The following FAM200B variants were observed in gnomAD, a reference collection of about 807,000 sequenced individuals.
FAM200B encodes protein FAM200B.
FAM200B carries 32 observed loss-of-function variants against 33.1 expected under a neutral mutation model. That is an observed-to-expected ratio of 0.97 (90% CI 0.73 to 1.30). The LOEUF is 1.30. Ranked by LOEUF, FAM200B falls within the 50% of genes most tolerant of loss-of-function variation. The pLI is 0.00. For synonymous variants in FAM200B, 240 were observed against 264.8 expected, an observed-to-expected ratio of 0.91 and a Z score of 0.91; for missense variants, 741 against 754.0, an observed-to-expected ratio of 0.98 and a Z score of 0.20.
At chr4:15,653,585 G>A in the FAM200B span, among the ~76,000 whole-genome samples, 6 of 152,120 alleles carry the variant, frequency 3.9e-5, no homozygotes, top group Non-Finnish European at 2.9e-5. Flanking sequence ...ACAGTCTAAA[G>A]TGGAGAGAAA....
chr4:15,662,723 ATTATCT>A, the FAM200B span, among the ~76,000 whole-genome samples: 3 of 152,196 alleles, frequency 2.0e-5, no homozygotes, highest in Admixed American at 6.5e-5. Context: ...CATTCAATCC[ATTATCT>A]TTATGTAATC....
the FAM200B span, chr4:15,638,604 CCTT>C: frequency 6.2e-7 from 1 of 1,613,410 alleles, no homozygotes; most frequent in South Asian, 1.1e-5. Context: ...TCTGCAGTAT[CCTT>C]CTGAGAGCAG....
chr4:15,645,914 G>A, the FAM200B span, among the ~76,000 whole-genome samples: 13,577 of 152,040 alleles, frequency 0.089, 767 homozygotes, highest in Non-Finnish European at 0.12. Context: ...GATGAGGCAG[G>A]CACTGTTCTT....
the FAM200B span, among the ~76,000 whole-genome samples, chr4:15,643,659 G>A: frequency 2.6e-5 from 4 of 152,076 alleles, no homozygotes; most frequent in East Asian, 1.9e-4. Flanking sequence ...CACTAGCCTC[G>A]GCCTCCCAGA....
the FAM200B span, among the ~76,000 whole-genome samples, chr4:15,676,364 G>T: frequency 6.6e-6 from 1 of 151,990 alleles, no homozygotes; most frequent in Admixed American, 6.6e-5. Flanking sequence ...GATTGTATGA[G>T]GATGGAAACA....
At chr4:15,651,559 T>C in the FAM200B span, among the ~76,000 whole-genome samples, 1 of 152,134 alleles carries the variant, frequency 6.6e-6, no homozygotes, top group Admixed American at 6.5e-5. Context: ...AGTCAATAAA[T>C]TGTTACAGGT....
rs771216772 is a variant in FAM200B at position 15,687,209 on chromosome 4, C to T, written c.232C>T (p.Pro78Ser). ...LKYGFIKCEK[P>S]FENDRPQCVI... ...ATATGGCTTTATCAAATGTGAAAAA[C>T]CCTTTGAAAATGACAGACCTCAGTG... Residue 78 changes from proline to serine, a missense_variant, in exon 2 of 2, where the codon CCC becomes TCC. Pro to Ser is a moderately conservative substitution (Grantham distance 74). Coordinates refer to ENST00000422728, the MANE Select transcript of FAM200B (RefSeq NM_001145191.2). The T allele has an allele frequency of 6.5e-7, 1 of 1,538,026 alleles. No individual in the cohort carries two copies. The highest frequency in any genetic ancestry group is 8.8e-7 in the Non-Finnish European group (1 of 1,140,660).
At position 15,688,767 on chromosome 4, in the gene FAM200B, A is replaced by G. The variant is rs1418965275; in HGVS notation, c.1790A>G (p.Lys597Arg). The G allele has an allele frequency of 6.4e-7, 1 of 1,551,064 alleles. No individual in the cohort carries two copies. The highest frequency in any genetic ancestry group is 2.0e-5 in the Admixed American group (1 of 50,978). ...VKEDFPLLSR[K>R]SVLLLLPFTT... is the part of the protein sequence containing the mutation. ...GAAGACTTTCCATTGTTAAGTAGAA[A>G]GAGTGTCCTGCTATTGCTACCATTC... Residue 597 changes from lysine (K) to arginine (R), a missense_variant, in exon 2 of 2, where the codon AAG (lysine) becomes AGG (arginine). Coordinates refer to ENST00000422728, the MANE Select transcript of FAM200B (RefSeq NM_001145191.2).
chr4:15,689,849 T>C lies in FAM200B; in HGVS notation c.*898T>C, dbSNP rs1269993119. 6.0e-6 allele frequency: 1 copy of C among 165,918 alleles called. No individual in the cohort carries two copies. Among genetic ancestry groups the C allele is most frequent in the East Asian group, 1.9e-4 (1 of 5,186 alleles). The allele number at this position is 165,918 out of a possible 1,614,324, so 10.3% of individuals were successfully genotyped here. A position where few individuals can be genotyped will look rare whatever the true frequency, so the allele number is the denominator to read the frequency against. ...TAGGGTAAATCCTCCATTATTCCTT[T>C]ATTTCTTTGTTTTCCTTGTAGTATA... On this transcript the variant is annotated 3_prime_UTR_variant, in exon 2 of 2. Transcript: ENST00000422728.
At chr4:15,665,731 C>G in the FAM200B span, among the ~76,000 whole-genome samples, 1 of 152,040 alleles carries the variant, frequency 6.6e-6, no homozygotes, top group South Asian at 2.1e-4. Flanking sequence ...GAAACACAAA[C>G]TTAGGATGAG....
At chr4:15,651,079 T>A in the FAM200B span, among the ~76,000 whole-genome samples, 3 of 152,186 alleles carry the variant, frequency 2.0e-5, no homozygotes, top group Non-Finnish European at 4.4e-5. Context: ...AAAACACATA[T>A]ATTATTCCCC....
chr4:15,673,298 G>A, the FAM200B span, among the ~76,000 whole-genome samples: 5 of 151,888 alleles, frequency 3.3e-5, no homozygotes, highest in African/African-American at 7.3e-5. Context: ...AAAATTAGCC[G>A]GGTGTGTTGA....
chr4:15,673,556 T>A, the FAM200B span, among the ~76,000 whole-genome samples: 3 of 152,200 alleles, frequency 2.0e-5, no homozygotes, highest in African/African-American at 7.2e-5. Flanking sequence ...TGGTAGGAAT[T>A]TTCCAGCTCC....
At chr4:15,672,709 T>TATA in the FAM200B span, among the ~76,000 whole-genome samples, 1 of 152,188 alleles carries the variant, frequency 6.6e-6, no homozygotes, top group Non-Finnish European at 1.5e-5. Flanking sequence ...CTGTAGACTT[T>TATA]ATAAACACTG....
chr4:15,679,037 C>T (rs1159227446), upstream of FAM200B, among the ~76,000 whole-genome samples: 5 of 151,026 alleles, frequency 3.3e-5, no homozygotes, highest in Non-Finnish European at 7.4e-5. Context: ...AAAATCTCAA[C>T]AATTTTTCAC....
chr4:15,640,393 G>GAA, the FAM200B span, among the ~76,000 whole-genome samples: 36,671 of 91,098 alleles, frequency 0.4, 7,833 homozygotes, highest in East Asian at 0.48. Context: ...CTACACTACT[G>GAA]AAAAAAAAAA....
chr4:15,655,897 C>G, the FAM200B span, among the ~76,000 whole-genome samples: 4 of 152,244 alleles, frequency 2.6e-5, no homozygotes, highest in Non-Finnish European at 4.4e-5. Flanking sequence ...GGCTCCCACC[C>G]AGCGGTTGGT....
the FAM200B span, among the ~76,000 whole-genome samples, chr4:15,650,639 A>G: frequency 6.7e-6 from 1 of 149,730 alleles, no homozygotes; most frequent in Non-Finnish European, 1.5e-5. Flanking sequence ...TCCACATTTT[A>G]AAAGGATTTA....
chr4:15,660,490 T>C, the FAM200B span, among the ~76,000 whole-genome samples: 2 of 152,208 alleles, frequency 1.3e-5, no homozygotes, highest in Non-Finnish European at 2.9e-5. Context: ...AGAGATGTCA[T>C]GTATACATCT....
Sources: allele counts gnomAD v4.1 joint callset (sites outside exome capture counted in the v4.1 genomes callset), GRCh38; gene constraint gnomAD v4.1.1; transcripts MANE v1.5; gene names NCBI Gene and HGNC (gene_info 2026-07-23, HGNC 2026-07-21).